The following DUSP15 variants were observed in gnomAD, a reference collection of about 807,000 sequenced individuals.
DUSP15 encodes dual specificity protein phosphatase 15.
DUSP15 carries 23 observed loss-of-function variants against 26.3 expected under a neutral mutation model. The ratio of observed to expected loss-of-function variants is 0.87; its 90% CI spans 0.63 to 1.24. DUSP15 has a LOEUF of 1.24. Ranked by LOEUF, DUSP15 falls within the 50% of genes most tolerant of loss-of-function variation. DUSP15 has a pLI of 0.00. For missense variants in DUSP15, 364 were observed against 320.6 expected, an observed-to-expected ratio of 1.14 and a Z score of -1.03; for synonymous variants, 143 against 135.5, an observed-to-expected ratio of 1.06 and a Z score of -0.39.
upstream of DUSP15, chr20:31,870,542 C>T (rs559386175): frequency 3.4e-6 from 5 of 1,452,692 alleles, no homozygotes; most frequent in African/African-American, 4.4e-5. The surrounding 1 kb of genome is among the most constrained non-coding windows in gnomAD (Gnocchi z 6.6). Context: ...GTGGAGCCGC[C>T]GCTGCCACCG....
downstream of DUSP15, chr20:31,845,703 C>G: frequency 2.5e-6 from 2 of 799,360 alleles, no homozygotes; most frequent in Non-Finnish European, 3.9e-6. Context: ...TCCTCCCCTC[C>G]TCCCTCGCCC....
At chr20:31,852,354 G>A (rs8125378) in intron 6 of DUSP15, among the ~76,000 whole-genome samples, 10,870 of 152,176 alleles carry the variant, frequency 0.071, 599 homozygotes, top group African/African-American at 0.15. Flanking sequence ...TGGTCTAGGC[G>A]TCCTAAATTG....
Position 31,862,656 on chromosome 20 carries a change from G to A in DUSP15, c.350C>T (p.Ala117Val), listed in dbSNP as rs1451882485. ...TGLGWRDVLE[A>V]IKATRPIANP... ...GGCGATGGGCCTGGTGGCCTTGATGGCTTCAAGCACGTCCCGCCAGCCTAG... is the reference window on the plus strand; with the variant it reads ...GGCGATGGGCCTGGTGGCCTTGATGACTTCAAGCACGTCCCGCCAGCCTAG... Residue 117 changes from alanine (A) to valine (V), a missense_variant, in exon 6 of 7, where the codon GCC becomes GTC. Physicochemically the swap from Ala to Val is moderately conservative, Grantham distance 64. Transcript: ENST00000339738. The A allele has an allele frequency of 6.2e-7, 1 of 1,614,136 alleles. No individual in the cohort carries two copies. The highest frequency in any genetic ancestry group is 2.2e-5 in the East Asian group (1 of 44,872).
At chr20:31,848,160 C>A in exon 10 of DUSP15, 1 of 493,100 alleles carries the variant, frequency 2.0e-6, no homozygotes, top group Admixed American at 4.2e-5. Flanking sequence ...TGCTTCTGCT[C>A]CAGTTGCTGC....
rs777010344 is a variant in DUSP15 at position 31,862,704 on chromosome 20, G to A, written c.302C>T (p.Ala101Val). The A allele has an allele frequency of 5.6e-6, 9 of 1,613,246 alleles. No individual in the cohort carries two copies. In the East Asian group the frequency reaches 1.3e-4, roughly 24 times the overall value. Residue 101 changes from alanine to valine, a missense_variant, in exon 6 of 7, where the codon GCG (alanine) becomes GTG (valine). Coordinates refer to ENST00000339738, the MANE Select transcript of DUSP15 (RefSeq NM_080611.5). Reference protein sequence around the residue: ...GISRSTTIVTAYVMTVTGLGW... With the variant: ...GISRSTTIVTVYVMTVTGLGW... ...TAGCCCCGTCACAGTCATCACATAC[G>A]CTGTCACAATCGTGGTGCTGCGAGA...
chr20:31,862,703 C>G lies in DUSP15; in HGVS notation c.303G>C (p.Ala101=). The change falls in exon 6 of 7, where the codon GCG becomes GCC. Residue 101 remains alanine, a synonymous_variant. Transcript: ENST00000339738. ...CTAGCCCCGTCACAGTCATCACATA[C>G]GCTGTCACAATCGTGGTGCTGCGAG... The part of the protein sequence containing the change: ...GISRSTTIVT[A]YVMTVTGLGW... 6.2e-7 allele frequency: 1 copy of G among 1,613,406 alleles called. No individual in the cohort carries two copies. The highest frequency in any genetic ancestry group is 8.5e-7 in the Non-Finnish European group (1 of 1,179,518).
downstream of DUSP15, chr20:31,847,594 TAAATA>T (rs2062390644): frequency 6.6e-6 from 1 of 152,194 alleles, no homozygotes; most frequent in African/African-American, 2.4e-5. Flanking sequence ...AGGATTCCTA[TAAATA>T]AAATCAGAAC....
chr20:31,850,671 G>A (rs768987676), exon 7 of DUSP15: 1 of 1,611,186 alleles, frequency 6.2e-7, no homozygotes, highest in Non-Finnish European at 8.5e-7. Context: ...TCCTATGTCT[G>A]GCACCCTGGT....
downstream of DUSP15, among the ~76,000 whole-genome samples, chr20:31,857,057 G>A (rs548356610): frequency 2.0e-5 from 3 of 152,176 alleles, no homozygotes; most frequent in South Asian, 4.2e-4. Flanking sequence ...GACAGAAGCC[G>A]GACTGGTCAT....
At chr20:31,861,878 G>A (rs370720904) in intron 6 of DUSP15, among the ~76,000 whole-genome samples, 480 of 151,894 alleles carry the variant, frequency 3.2e-3, no homozygotes, top group South Asian at 0.015. Context: ...CTTCTAGGAG[G>A]CCCCTCCCTC....
intron 6 of DUSP15, among the ~76,000 whole-genome samples, chr20:31,862,046 C>A (rs917180047): frequency 1.3e-5 from 2 of 152,150 alleles, no homozygotes; most frequent in Non-Finnish European, 2.9e-5. Flanking sequence ...CAGATTTCTT[C>A]CTTGCCCGAC....
intron 9 of DUSP15, chr20:31,848,754 T>C: frequency 6.4e-7 from 1 of 1,558,314 alleles, no homozygotes; most frequent in South Asian, 1.2e-5. Context: ...AAGGGCTGTC[T>C]GGAGGGGACT....
At chr20:31,859,843 C>T (rs1249888592), downstream of DUSP15, among the ~76,000 whole-genome samples, 2 of 152,108 alleles carry the variant, frequency 1.3e-5, no homozygotes, top group African/African-American at 4.8e-5. Flanking sequence ...TGGAGGACTG[C>T]GGGCTCCCTG....
At chr20:31,869,479 A>G (rs754523536) in intron 2 of DUSP15, 85 bp downstream of exon 2, 313 of 1,538,340 alleles carry the variant, frequency 2.0e-4, no homozygotes, top group Non-Finnish European at 2.6e-4. Context: ...CATTCCTGAG[A>G]TGCATGGGCC....
intron 6 of DUSP15, 27 bp from the exon 7 acceptor site, chr20:31,861,702 G>T: frequency 3.3e-6 from 4 of 1,212,628 alleles, no homozygotes; most frequent in Non-Finnish European, 4.1e-6. Flanking sequence ...AGGTGGGCGG[G>T]GTCAAGGCCG....
At position 31,864,231 on chromosome 20, in the gene DUSP15, C is replaced by T. The variant is rs1031775381; in HGVS notation, c.189-250G>A. On this transcript the variant is annotated intron_variant, in intron 4 of 6. Coordinates refer to ENST00000339738, the MANE Select transcript of DUSP15 (RefSeq NM_080611.5). Reference sequence around the variant, plus strand: ...AAATCTCACCATCTAGGCAGGAGCACTCCTCCTGTGGACCCTGTTTTCATG... The same window carrying T: ...AAATCTCACCATCTAGGCAGGAGCATTCCTCCTGTGGACCCTGTTTTCATG... 4.8e-6 allele frequency: 6 copies of T among 1,259,186 alleles called. No homozygotes were observed. The African/African-American group carries it at 7.6e-5, about 16-fold the overall frequency. The allele number at this position is 1,259,186 out of a possible 1,614,324, so 78.0% of individuals were successfully genotyped here.
At chr20:31,848,264 G>C (rs1350072826) in exon 10 of DUSP15, 6 of 989,554 alleles carry the variant, frequency 6.1e-6, no homozygotes, top group Non-Finnish European at 8.5e-6. Context: ...CCGGGGCCCC[G>C]TGACAGAGGA....
intron 2 of DUSP15, among the ~76,000 whole-genome samples, chr20:31,867,631 G>GTTT (rs57662463): frequency 0.013 from 999 of 77,622 alleles, 133 homozygotes; most frequent in East Asian, 0.029. Flanking sequence ...TGCCCACAAT[G>GTTT]TTTTTTTTTT....
At chr20:31,847,312 G>T (rs2062387195), downstream of DUSP15, among the ~76,000 whole-genome samples, 1 of 152,120 alleles carries the variant, frequency 6.6e-6, no homozygotes, top group African/African-American at 2.4e-5. Flanking sequence ...TGAGGGGCAG[G>T]GGTAGCGGAG....
Sources: gnomAD v4.1 joint callset for allele counts (sites outside exome capture counted in the v4.1 genomes callset) on GRCh38, gnomAD v4.1.1 for gene constraint, Gnocchi (gnomAD v3.1) non-coding constraint, MANE v1.5 for transcripts, NCBI Gene and HGNC (gene_info 2026-07-23, HGNC 2026-07-21) for gene names.